GALNT14: variants seen among roughly 807,000 people sequenced by gnomAD.
The protein encoded by GALNT14 is polypeptide N-acetylgalactosaminyltransferase 14.
Under a neutral mutation model 77.5 loss-of-function variants are expected in GALNT14, and 60 were observed. The ratio of observed to expected loss-of-function variants is 0.77; its 90% confidence interval spans 0.63 to 0.96. GALNT14 has a LOEUF of 0.96. Among genes scored for constraint, GALNT14 ranks in the 40% least tolerant of loss-of-function variants. The pLI is 0.00. For synonymous variants in GALNT14, 280 were observed against 281.7 expected, an observed-to-expected ratio of 0.99 and a Z score of 0.06; for missense variants, 710 against 731.0, an observed-to-expected ratio of 0.97 and a Z score of 0.33.
intron 2 of GALNT14, among the ~76,000 whole-genome samples, chr2:30,969,695 C>T (rs1422342745): frequency 6.6e-6 from 1 of 152,152 alleles, no homozygotes; most frequent in Non-Finnish European, 1.5e-5. Flanking sequence ...ACTAGACCTA[C>T]AGACCACGTG....
intron 1 of GALNT14, among the ~76,000 whole-genome samples, chr2:31,035,959 G>A (rs1369134945): frequency 6.6e-6 from 1 of 152,078 alleles, no homozygotes; most frequent in East Asian, 1.9e-4. Flanking sequence ...AAACTCCTAT[G>A]ACACAACTTT....
chr2:30,973,295 G>A (rs1668468174), intron 2 of GALNT14, among the ~76,000 whole-genome samples: 1 of 152,306 alleles, frequency 6.6e-6, no homozygotes, highest in East Asian at 1.9e-4. Context: ...TGCTAGCACA[G>A]ATGGCTTTGT....
intron 1 of GALNT14, among the ~76,000 whole-genome samples, chr2:31,084,849 A>AC (rs1489373032): frequency 6.6e-6 from 1 of 151,992 alleles, no homozygotes; most frequent in Non-Finnish European, 1.5e-5. Context: ...ACATGGTGAA[A>AC]CCCCATCTCT....
At chr2:31,041,819 T>C (rs1285043959) in intron 1 of GALNT14, among the ~76,000 whole-genome samples, 1 of 152,044 alleles carries the variant, frequency 6.6e-6, no homozygotes, top group Non-Finnish European at 1.5e-5. Context: ...TGAACTATAA[T>C]AGAGGCAGAG....
chr2:30,955,682 A>G lies in GALNT14; in HGVS notation c.590T>C (p.Phe197Ser). The G allele has an allele frequency of 6.2e-7, 1 of 1,614,188 alleles. No individual in the cohort carries two copies. Among genetic ancestry groups the G allele is most frequent in the Non-Finnish European group, 8.5e-7 (1 of 1,180,032 alleles). The change falls in exon 6 of 15, where the codon TTC becomes TCC. Residue 197 changes from phenylalanine to serine, a missense_variant. Phe to Ser is a radical substitution (Grantham distance 155). Transcript: ENST00000349752. ...ADIAQGTTLT[F>S]LDSHCEVNRD... is the part of the protein sequence containing the mutation. ...GTTCACCTCACAGTGGCTGTCGAGGAAAGTCAGAGTGGTGCCCTGGGCGAT... is the reference window on the plus strand; with the variant it reads ...GTTCACCTCACAGTGGCTGTCGAGGGAAGTCAGAGTGGTGCCCTGGGCGAT...
chr2:30,962,586 T>C (rs1667758534), intron 3 of GALNT14, among the ~76,000 whole-genome samples: 2 of 152,166 alleles, frequency 1.3e-5, no homozygotes, highest in Admixed American at 1.3e-4. Context: ...TTGTTTTCTC[T>C]CTAAGTGAGA....
intron 1 of GALNT14, among the ~76,000 whole-genome samples, chr2:31,133,368 T>A (rs1679079439): frequency 6.6e-6 from 1 of 152,178 alleles, no homozygotes; most frequent in Admixed American, 6.5e-5. Context: ...TGACTTTTTT[T>A]AATGAGAGAA....
the GALNT14 span, among the ~76,000 whole-genome samples, chr2:30,904,212 G>A: frequency 1.9e-3 from 283 of 152,340 alleles, 2 homozygotes; most frequent in African/African-American, 5.7e-3. Flanking sequence ...GAGGAGCCAA[G>A]ATGGCCGAAT....
the GALNT14 span, among the ~76,000 whole-genome samples, chr2:30,903,020 T>G: frequency 6.6e-6 from 1 of 152,010 alleles, no homozygotes; most frequent in Non-Finnish European, 1.5e-5. Flanking sequence ...ACCCATGACC[T>G]CCCTTCTCTT....
At chr2:30,933,220 AC>A (rs1665847527) in intron 9 of GALNT14, among the ~76,000 whole-genome samples, 2 of 152,148 alleles carry the variant, frequency 1.3e-5, no homozygotes. Context: ...GTACCCCCTA[AC>A]TGACCACAGC....
Position 30,944,929 on chromosome 2 carries a change from G to A in GALNT14, c.756C>T (p.Ser252=), listed in dbSNP as rs1464844000. The change falls in exon 8 of 15, where the codon AGC becomes AGT. Residue 252 remains serine (S), a synonymous_variant. Coordinates refer to ENST00000349752, the MANE Select transcript of GALNT14 (RefSeq NM_024572.4). ...ASELRGGFDW[S]LHFQWEQLSP... is the part of the protein sequence containing the mutation. ...AGAGCTGCTCCCACTGGAAGTGGAG[G>A]CTCCAGTCAAACCCTACAACACAGC... 1 of 1,609,660 alleles carries A rather than the reference G, an allele frequency of 6.2e-7. No homozygotes were observed. Among genetic ancestry groups the A allele is most frequent in the African/African-American group, 1.3e-5 (1 of 74,824 alleles).
At chr2:31,051,194 G>A (rs1011243807) in intron 1 of GALNT14, among the ~76,000 whole-genome samples, 14 of 152,162 alleles carry the variant, frequency 9.2e-5, no homozygotes, top group East Asian at 3.9e-4. Context: ...CAGGCCCAGC[G>A]GATCAAGATG....
At chr2:30,911,211 T>A in intron 14 of GALNT14, 152 bp from the exon 15 acceptor site, 2 of 635,764 alleles carry the variant, frequency 3.1e-6, no homozygotes, top group South Asian at 4.7e-5. Context: ...CTAATTGCTC[T>A]ACCAGGTATT....
chr2:30,985,912 T>C (rs1162937313), intron 2 of GALNT14, among the ~76,000 whole-genome samples: 2 of 152,198 alleles, frequency 1.3e-5, no homozygotes, highest in Admixed American at 1.3e-4. Flanking sequence ...TTTTTTATGC[T>C]TTGCCATTCC....
intron 1 of GALNT14, among the ~76,000 whole-genome samples, chr2:31,023,252 T>G (rs919679257): frequency 2.0e-5 from 3 of 152,132 alleles, no homozygotes; most frequent in African/African-American, 7.2e-5. Context: ...GGAGTAAAGT[T>G]TCCAGTGGAT....
At chr2:30,984,054 GCC>G (rs985473249) in intron 2 of GALNT14, among the ~76,000 whole-genome samples, 25 of 152,188 alleles carry the variant, frequency 1.6e-4, no homozygotes, top group Non-Finnish European at 3.2e-4. Flanking sequence ...AGTCTGTGCA[GCC>G]CACACTGGTG....
chr2:30,910,216 A>T (rs555446434), downstream of GALNT14, among the ~76,000 whole-genome samples: 52 of 152,042 alleles, frequency 3.4e-4, no homozygotes, highest in Non-Finnish European at 4.4e-4. Flanking sequence ...ATAATAATAA[A>T]AAAAAAAAGA....
rs555305872 is a variant in GALNT14 at position 30,963,737 on chromosome 2, G to A, written c.398+2467C>T. On this transcript the variant is annotated intron_variant, in intron 3 of 14. Transcript: ENST00000349752. ...CCCAGGGTCACACAGCTAGGAAGTG[G>A]TAGGGTTTGGATTTGACTCCAGGTC... Among the ~76,000 whole-genome samples the A allele has an allele frequency of 1.3e-4, 20 of 152,330 alleles. No homozygotes were observed. The South Asian group carries it at 3.9e-3, about 30-fold the overall frequency.
chr2:30,907,099 A>G (rs989719273), downstream of GALNT14, among the ~76,000 whole-genome samples: 1 of 152,232 alleles, frequency 6.6e-6, no homozygotes, highest in Non-Finnish European at 1.5e-5. Context: ...TGCCCACAAG[A>G]GAAAGCAGGA....
Sources: allele counts gnomAD v4.1 joint callset (sites outside exome capture counted in the v4.1 genomes callset), GRCh38; gene constraint gnomAD v4.1.1; transcripts MANE v1.5; gene names NCBI Gene and HGNC (gene_info 2026-07-23, HGNC 2026-07-21).